ALPK2: variants seen among roughly 807,000 people sequenced by gnomAD.
The protein encoded by ALPK2 is alpha kinase 2.
A neutral mutation model predicts 163.1 loss-of-function variants in ALPK2; 127 were observed. The ratio of observed to expected loss-of-function variants is 0.78; its 90% confidence interval spans 0.67 to 0.90. The LOEUF (loss-of-function observed/expected upper bound fraction) is 0.90, where lower values mean the gene tolerates loss of function less well. Among genes scored for constraint, ALPK2 ranks in the 40% least tolerant of loss-of-function variants. ALPK2 has a pLI of 0.00. For missense variants in ALPK2, 2,360 were observed against 2,589.6 expected, an observed-to-expected ratio of 0.91 and a Z score of 1.92; for synonymous variants, 953 against 959.1, an observed-to-expected ratio of 0.99 and a Z score of 0.12.
At chr18:58,508,994 A>C in intron 10 of ALPK2, among the ~76,000 whole-genome samples, 1 of 149,622 alleles carries the variant, frequency 6.7e-6, no homozygotes, top group South Asian at 2.2e-4. Flanking sequence ...TTAACTCATC[A>C]TTTAACATTA....
intron 9 of ALPK2, 94 bp downstream of exon 9, chr18:58,516,814 G>T: frequency 7.1e-7 from 1 of 1,399,288 alleles, no homozygotes; most frequent in Non-Finnish European, 9.9e-7. Context: ...CCCTTTTGAA[G>T]ATATTCCCAT....
At chr18:58,544,578 A>G (rs967213178) in intron 4 of ALPK2, 1 of 152,260 alleles carries the variant, frequency 6.6e-6, no homozygotes, top group African/African-American at 2.4e-5. Flanking sequence ...AGTTGTGCTA[A>G]TAGCCAAGTG....
At chr18:58,601,794 C>T (rs867050392) in intron 3 of ALPK2, among the ~76,000 whole-genome samples, 3 of 152,270 alleles carry the variant, frequency 2.0e-5, no homozygotes, top group East Asian at 1.9e-4. Context: ...AGAACCAGCC[C>T]GCCAGCCCAC....
At chr18:58,482,625 G>T (rs1030356384) in intron 12 of ALPK2, among the ~76,000 whole-genome samples, 1 of 152,146 alleles carries the variant, frequency 6.6e-6, no homozygotes, top group African/African-American at 2.4e-5. Context: ...AGCCCGCTTT[G>T]TCCCCAGGAG....
At chr18:58,542,222 CCT>C (rs1602209618) in intron 4 of ALPK2, among the ~76,000 whole-genome samples, 1 of 152,182 alleles carries the variant, frequency 6.6e-6, no homozygotes, top group African/African-American at 2.4e-5. Context: ...CTTCTCTGAC[CCT>C]CTGTCTCCTC....
chr18:58,627,466 CAA>C (rs35734462), intron 1 of ALPK2, among the ~76,000 whole-genome samples: 1 of 151,598 alleles, frequency 6.6e-6, no homozygotes, highest in Non-Finnish European at 1.5e-5. Context: ...ACTAAAAATA[CAA>C]AAAAAATTAG....
chr18:58,563,956 A>C (rs572820496), intron 4 of ALPK2, among the ~76,000 whole-genome samples: 74 of 152,300 alleles, frequency 4.9e-4, no homozygotes, highest in Admixed American at 9.8e-4. Context: ...TCTTGCCAGC[A>C]GTGTAAGAGA....
At chr18:58,488,159 C>G (rs1490484821) in intron 12 of ALPK2, among the ~76,000 whole-genome samples, 2 of 152,106 alleles carry the variant, frequency 1.3e-5, no homozygotes, top group Non-Finnish European at 2.9e-5. Context: ...TATATTTAAA[C>G]TGGAACACAA....
At chr18:58,502,134 C>A (rs145784666) in intron 11 of ALPK2, among the ~76,000 whole-genome samples, 11,206 of 118,884 alleles carry the variant, frequency 0.094, 721 homozygotes, top group Non-Finnish European at 0.13. Flanking sequence ...AACCCCATCT[C>A]CACACACACA....
At chr18:58,529,943 T>G (rs926792409) in intron 5 of ALPK2, among the ~76,000 whole-genome samples, 1 of 152,230 alleles carries the variant, frequency 6.6e-6, no homozygotes, top group African/African-American at 2.4e-5. Flanking sequence ...GGCGGCAGCC[T>G]AGACATTAGA....
rs1436884266 is a variant in ALPK2, at chr18:58,503,989, G to A, written c.6189C>T (p.Thr2063=). Residue 2063 remains threonine, a synonymous_variant, in exon 11 of 13, where the codon ACC becomes ACT. Transcript: ENST00000361673. ...RESEAGQKCC[T]FQHWVYQKTS... ...TTTTCTGGTACACCCAGTGCTGGAA[G>A]GTGCAACATTTCTGACCAGCTTCTG... 5.0e-6 allele frequency: 8 copies of A among 1,614,054 alleles called. No individual in the cohort carries two copies. The highest frequency in any genetic ancestry group is 1.6e-4 in the Middle Eastern group (1 of 6,084).
intron 3 of ALPK2, among the ~76,000 whole-genome samples, chr18:58,593,898 T>A (rs1602232849): frequency 4.3e-5 from 4 of 93,620 alleles, no homozygotes; most frequent in African/African-American, 1.2e-4. Flanking sequence ...TAAATAAAAA[T>A]AATAAAAGGA....
chr18:58,600,929 T>G (rs2052066143), intron 3 of ALPK2, among the ~76,000 whole-genome samples: 1 of 152,226 alleles, frequency 6.6e-6, no homozygotes, highest in African/African-American at 2.4e-5. Flanking sequence ...CTAGAGCATA[T>G]TAAGTGCTCT....
intron 11 of ALPK2, among the ~76,000 whole-genome samples, chr18:58,503,429 C>T (rs559760448): frequency 6.0e-4 from 92 of 152,302 alleles, no homozygotes; most frequent in Admixed American, 2.3e-3. Flanking sequence ...CAGTGGCTGA[C>T]GCCTGTAATC....
chr18:58,552,103 C>G lies in ALPK2; in HGVS notation c.1963-13879G>C, dbSNP rs563484471. ...TAAATCATCACTTTAAAAAAAAATGCCCCAAATCGCAAGGCAGTATCAAAA... is the reference window on the plus strand; with the variant it reads ...TAAATCATCACTTTAAAAAAAAATGGCCCAAATCGCAAGGCAGTATCAAAA... On this transcript the variant is annotated intron_variant, in intron 4 of 12. Coordinates refer to ENST00000361673, the MANE Select transcript of ALPK2 (RefSeq NM_052947.4). Among the ~76,000 whole-genome samples the G allele has an allele frequency of 3.3e-5, 5 of 152,154 alleles. No individual in the cohort carries two copies. In the South Asian group the frequency reaches 8.3e-4, roughly 25 times the overall value.
chr18:58,516,670 T>C (rs927205107), intron 9 of ALPK2, among the ~76,000 whole-genome samples: 6 of 152,252 alleles, frequency 3.9e-5, no homozygotes, highest in African/African-American at 1.4e-4. Context: ...ATATCTCGGG[T>C]TAGAACTGGT....
At chr18:58,598,181 G>A (rs2052050600) in intron 3 of ALPK2, among the ~76,000 whole-genome samples, 1 of 152,252 alleles carries the variant, frequency 6.6e-6, no homozygotes, top group Admixed American at 6.5e-5. Context: ...AGGTTCACCT[G>A]AGGCCCAGGT....
intron 5 of ALPK2, among the ~76,000 whole-genome samples, chr18:58,530,817 G>A (rs917215287): frequency 2.3e-4 from 35 of 152,150 alleles, no homozygotes; most frequent in Non-Finnish European, 3.5e-4. Context: ...TTTTTCTTCC[G>A]TGTGCAGGTT....
At chr18:58,482,943 C>T (rs1349286063) in intron 12 of ALPK2, among the ~76,000 whole-genome samples, 2 of 152,154 alleles carry the variant, frequency 1.3e-5, no homozygotes, top group Non-Finnish European at 2.9e-5. Context: ...TAGGCTATTG[C>T]AGCTTGTTTA....
Sources: gnomAD v4.1 joint callset for allele counts (sites outside exome capture counted in the v4.1 genomes callset) on GRCh38, gnomAD v4.1.1 for gene constraint, MANE v1.5 for transcripts, NCBI Gene and HGNC (gene_info 2026-07-23, HGNC 2026-07-21) for gene names.